The following WDR35 variants were observed in gnomAD, a reference collection of about 807,000 sequenced individuals.
WDR35 encodes the protein WD repeat domain 35, also known as WD repeat-containing protein 35.
Under a neutral mutation model 158.3 loss-of-function variants are expected in WDR35, and 118 were observed. The ratio of observed to expected loss-of-function variants is 0.75; its 90% CI spans 0.64 to 0.87. The LOEUF is 0.87. Ranked by LOEUF, WDR35 falls within the 40% of genes least tolerant of loss-of-function variation. The pLI is 0.00. For missense variants in WDR35, 1,263 were observed against 1,405.8 expected (o/e 0.90, Z 1.62); for synonymous variants, 448 against 476.1 (o/e 0.94, Z 0.77).
chr2:19,989,933 G>A, intron 1 of WDR35, 59 bp downstream of exon 1: 1 of 1,608,574 alleles, frequency 6.2e-7, no homozygotes, highest in Non-Finnish European at 8.5e-7. Flanking sequence ...GAAGGCAGCG[G>A]GAATCGCCGC....
At chr2:19,958,186 G>T (rs1671509986) in intron 11 of WDR35, among the ~76,000 whole-genome samples, 1 of 152,198 alleles carries the variant, frequency 6.6e-6, no homozygotes, top group African/African-American at 2.4e-5. Context: ...TTAGAAAGCT[G>T]CCCATGTGCT....
chr2:19,981,005 C>T lies in WDR35; in HGVS notation c.215-222G>A, dbSNP rs148745913. ...TTTTCATATCTATCCCTATTTCATC[C>T]CAGTAAAGACACCAATCATGGCTAG... On this transcript the variant is annotated intron_variant, in intron 3 of 26. Coordinates refer to ENST00000281405, the MANE Select transcript of WDR35 (RefSeq NM_020779.4). Among the ~76,000 whole-genome samples, 633 of 152,174 alleles carry T rather than the reference C, an allele frequency of 4.2e-3. 5 individuals carry two copies. The highest frequency in any genetic ancestry group is 5.3e-3 in the Non-Finnish European group (358 of 68,000).
rs1669830557 is a variant in WDR35 at position 19,911,405 on chromosome 2, T to C, written c.*2153A>G. The C allele has an allele frequency of 6.6e-6, 1 of 152,264 alleles. No homozygotes were observed. Among genetic ancestry groups the C allele is most frequent in the African/African-American group, 2.4e-5 (1 of 41,470 alleles). 9.4% of individuals were successfully genotyped at this position (152,264 alleles called of 1,614,324 possible). ...TTCAGACAGGCAGAACTAATAAGTG[T>C]GCCATCCCTACAACCCTGAACATTT... On this transcript the variant is annotated 3_prime_UTR_variant, in exon 27 of 27. Coordinates refer to ENST00000281405, the MANE Select transcript of WDR35 (RefSeq NM_020779.4).
intron 5 of WDR35, among the ~76,000 whole-genome samples, chr2:19,977,299 T>G (rs1396467652): frequency 6.6e-6 from 1 of 152,248 alleles, no homozygotes; most frequent in African/African-American, 2.4e-5. Context: ...TAGATTTACT[T>G]GAATGGCCTA....
At chr2:19,978,389 T>C (rs1050160209) in intron 5 of WDR35, among the ~76,000 whole-genome samples, 2 of 152,116 alleles carry the variant, frequency 1.3e-5, no homozygotes, top group Non-Finnish European at 2.9e-5. Context: ...AATGACATAT[T>C]CAGTTCCAAT....
At chr2:19,987,837 A>C (rs1227099594) in intron 2 of WDR35, among the ~76,000 whole-genome samples, 3 of 151,460 alleles carry the variant, frequency 2.0e-5, no homozygotes, top group Non-Finnish European at 4.4e-5. Context: ...AAAAAAAAAA[A>C]AAAAAAAAAC....
intron 3 of WDR35, among the ~76,000 whole-genome samples, chr2:19,981,685 T>C (rs1050843414): frequency 6.6e-6 from 1 of 151,920 alleles, no homozygotes. Context: ...GCCTGGTTAA[T>C]TTTTTTTATT....
intron 25 of WDR35, among the ~76,000 whole-genome samples, chr2:19,928,705 C>T (rs1270828455): frequency 6.6e-6 from 1 of 152,162 alleles, no homozygotes; most frequent in Non-Finnish European, 1.5e-5. Flanking sequence ...ATCATCATCA[C>T]AGCTACCACT....
rs779811806 is a variant in WDR35 at position 19,913,675 on chromosome 2, T to C, written c.3396A>G (p.Thr1132=). ...GEGKLPTCVA[T]GSPITEYQFW... ...ATTGATACTCAGTGATTGGGCTTCC[T>C]GTGGCAACGCATGTTGGCAGTTTCC... Residue 1132 remains threonine, a synonymous_variant, in exon 27 of 27, where the codon ACA becomes ACG. Coordinates refer to ENST00000281405, the MANE Select transcript of WDR35 (RefSeq NM_020779.4). 3.7e-6 allele frequency: 6 copies of C among 1,614,028 alleles called. No individual in the cohort carries two copies. Among genetic ancestry groups the C allele is most frequent in the South Asian group, 1.1e-5 (1 of 91,090 alleles).
chr2:19,920,814 T>A (rs1670145113), intron 25 of WDR35, among the ~76,000 whole-genome samples: 1 of 152,158 alleles, frequency 6.6e-6, no homozygotes, highest in Non-Finnish European at 1.5e-5. Context: ...ATGACATGAT[T>A]GTATATTTAG....
chr2:19,932,282 C>T lies in WDR35; in HGVS notation c.2823+1G>A, dbSNP rs755866723. ...ACTATTCACCAAGATTTTTACATTA[C>T]CTTAAACATCAGTTTAGCTGCATCA... On this transcript the variant is annotated splice_donor_variant, in intron 23 of 26. Transcript: ENST00000281405. LOFTEE classifies it high-confidence loss of function. 3 of 1,613,010 alleles carry T rather than the reference C, an allele frequency of 1.9e-6. No homozygotes were observed. The highest frequency in any genetic ancestry group is 2.5e-6 in the Non-Finnish European group (3 of 1,179,368).
intron 24 of WDR35, among the ~76,000 whole-genome samples, 161 bp from the exon 25 acceptor site, chr2:19,930,713 C>T (rs1040123674): frequency 1.3e-5 from 2 of 152,002 alleles, no homozygotes; most frequent in African/African-American, 2.4e-5. Context: ...ATTACTCTGT[C>T]ACCCAAGCTG....
At chr2:19,933,010 AGTAACTCAATTC>A (rs1670570700) in intron 22 of WDR35, among the ~76,000 whole-genome samples, 1 of 152,250 alleles carries the variant, frequency 6.6e-6, no homozygotes, top group Non-Finnish European at 1.5e-5. Flanking sequence ...ATATTGATAA[AGTAACTCAATTC>A]CTTCCTCAGG....
At chr2:19,935,816 C>T (rs1670675315) in intron 20 of WDR35, among the ~76,000 whole-genome samples, 1 of 152,004 alleles carries the variant, frequency 6.6e-6, no homozygotes, top group Admixed American at 6.6e-5. Context: ...TTAAGAAATA[C>T]CACCGCTTTA....
In WDR35 at chr2:19,985,210, T is replaced by A. The variant is rs1484654225; in HGVS notation, c.143-2676A>T. On this transcript the variant is annotated intron_variant, in intron 2 of 26. Transcript: ENST00000281405. ...GGCTCTCTATTTCCTCTCATGAGGA[T>A]GAGGGTGGAGGCCTTGGCAGTCGTA... 4.0e-5 allele frequency among the ~76,000 whole-genome samples: 6 copies of A among 151,666 alleles called. No homozygotes were observed. The East Asian group carries it at 9.8e-4, about 25-fold the overall frequency.
At chr2:19,935,343 C>T in intron 21 of WDR35, 128 bp downstream of exon 21, 1 of 994,622 alleles carries the variant, frequency 1.0e-6, no homozygotes, top group East Asian at 2.7e-5. Flanking sequence ...AAGCATCATT[C>T]CATGTCTAAG....
intron 5 of WDR35, among the ~76,000 whole-genome samples, chr2:19,978,228 C>T (rs753971236): frequency 2.7e-5 from 4 of 150,700 alleles, no homozygotes; most frequent in African/African-American, 7.3e-5. Context: ...ACAGAGCGAG[C>T]GAGAGAGAGA....
chr2:19,937,213 C>A (rs1010973499), intron 19 of WDR35, among the ~76,000 whole-genome samples: 1 of 152,212 alleles, frequency 6.6e-6, no homozygotes, highest in African/African-American at 2.4e-5. Context: ...GCTTTCATAG[C>A]AGCTGCCTGG....
intron 25 of WDR35, among the ~76,000 whole-genome samples, chr2:19,928,014 C>T (rs1277701624): frequency 6.6e-6 from 1 of 152,158 alleles, no homozygotes; most frequent in Non-Finnish European, 1.5e-5. Flanking sequence ...GAACAGGCAC[C>T]CCTCAAAATC....
Sources: gnomAD v4.1 joint callset for allele counts (sites outside exome capture counted in the v4.1 genomes callset) on GRCh38, gnomAD v4.1.1 for gene constraint, MANE v1.5 for transcripts, NCBI Gene and HGNC (gene_info 2026-07-23, HGNC 2026-07-21) for gene names.